Variants in AP1AR observed in about 807,000 individuals in gnomAD.
AP1AR encodes AP-1 complex-associated regulatory protein.
Under a neutral mutation model 46.3 loss-of-function variants are expected in AP1AR, and 29 were observed. That is an observed-to-expected ratio of 0.63 (90% confidence interval 0.47 to 0.85). AP1AR has a LOEUF of 0.85. Among genes scored for constraint, AP1AR ranks in the 40% least tolerant of loss-of-function variants. AP1AR has a pLI of 0.00. For missense variants in AP1AR, 357 were observed against 356.3 expected, an observed-to-expected ratio of 1.00 and a Z score of -0.02; for synonymous variants, 122 against 122.9, an observed-to-expected ratio of 0.99 and a Z score of 0.05.
chr4:112,240,772 T>C (rs1488386533), intron 1 of AP1AR, among the ~76,000 whole-genome samples: 1 of 152,202 alleles, frequency 6.6e-6, no homozygotes, highest in African/African-American at 2.4e-5. Flanking sequence ...TACCTGTGTG[T>C]CTACCCTGTT....
rs981796543 is a variant in AP1AR, at chr4:112,231,864, C to T, written c.-228C>T. The T allele has an allele frequency of 2.5e-6, 1 of 394,632 alleles. No homozygotes were observed. Among genetic ancestry groups the T allele is most frequent in the African/African-American group, 2.1e-5 (1 of 48,420 alleles). The allele number at this position is 394,632 out of a possible 1,614,324, so 24.4% of individuals were successfully genotyped here. The stretch of plus-strand genomic sequence containing the variant: ...AGTCCAGAGCCTTGAGCCCGGTGCT[C>T]CTCCCTCGCGCAGCGGTGGCTCTGC... On this transcript the variant is annotated 5_prime_UTR_variant, in exon 1 of 10. Coordinates refer to ENST00000274000, the MANE Select transcript of AP1AR (RefSeq NM_018569.6).
intron 2 of AP1AR, 179 bp downstream of exon 2, chr4:112,253,435 G>A (rs961315305): frequency 7.0e-6 from 4 of 568,050 alleles, no homozygotes; most frequent in Non-Finnish European, 1.2e-5. Flanking sequence ...TGAGTAGGAA[G>A]AAGTTTGCAG....
chr4:112,234,921 C>G (rs2110462575), intron 1 of AP1AR, among the ~76,000 whole-genome samples: 1 of 152,268 alleles, frequency 6.6e-6, no homozygotes, highest in Middle Eastern at 3.4e-3. Context: ...ATCTGAAAAT[C>G]AGATCACTCG....
At chr4:112,246,762 T>C (rs1725742353) in intron 1 of AP1AR, among the ~76,000 whole-genome samples, 1 of 152,202 alleles carries the variant, frequency 6.6e-6, no homozygotes, top group Non-Finnish European at 1.5e-5. Context: ...AAGTTAATTA[T>C]ACAATTCAAA....
chr4:112,263,412 G>C (rs749538441), intron 6 of AP1AR, among the ~76,000 whole-genome samples: 1 of 150,812 alleles, frequency 6.6e-6, no homozygotes, highest in East Asian at 1.9e-4. Context: ...GAGGGAAAGC[G>C]TTGCAAAACT....
chr4:112,254,837 C>A, intron 3 of AP1AR, 64 bp downstream of exon 3: 1 of 801,598 alleles, frequency 1.2e-6, no homozygotes, highest in South Asian at 2.8e-5. Flanking sequence ...CTCATTAGTT[C>A]TAACAATTAC....
At chr4:112,265,568 G>A (rs1438220940) in intron 7 of AP1AR, among the ~76,000 whole-genome samples, 166 bp from the exon 8 acceptor site, 1 of 151,748 alleles carries the variant, frequency 6.6e-6, no homozygotes, top group Non-Finnish European at 1.5e-5. Context: ...TTTCATTTTA[G>A]TATTAAGAAA....
At chr4:112,250,052 A>T (rs1212425815) in intron 1 of AP1AR, among the ~76,000 whole-genome samples, 1 of 152,232 alleles carries the variant, frequency 6.6e-6, no homozygotes, top group Non-Finnish European at 1.5e-5. Context: ...CTTGATAAAT[A>T]TTTATGAAAT....
rs141048838 is a variant in AP1AR at position 112,257,712 on chromosome 4, T to A, written c.160-60T>A. Reference sequence around the variant, plus strand: ...TAGATTAAATAAAAATTGTATTGGTTACTTTAAATAGAATTTAGCTAATGA... The same window carrying A: ...TAGATTAAATAAAAATTGTATTGGTAACTTTAAATAGAATTTAGCTAATGA... On this transcript the variant is annotated intron_variant, in intron 3 of 9. Transcript: ENST00000274000. The A allele has an allele frequency of 7.1e-4, 945 of 1,321,822 alleles. 2 individuals carry two copies. In the African/African-American group the frequency reaches 0.014, roughly 19 times the overall value. 81.9% of individuals were successfully genotyped at this position (1,321,822 alleles called of 1,614,324 possible).
intron 3 of AP1AR, among the ~76,000 whole-genome samples, chr4:112,256,416 T>C (rs371715683): frequency 6.6e-6 from 1 of 152,366 alleles, no homozygotes; most frequent in Admixed American, 6.5e-5. Flanking sequence ...GTAAGCCTTC[T>C]TTCAGCCTCC....
At chr4:112,259,959 A>T (rs560455485) in intron 4 of AP1AR, among the ~76,000 whole-genome samples, 1 of 136,586 alleles carries the variant, frequency 7.3e-6, no homozygotes, top group East Asian at 1.9e-4. Context: ...CTTTTAAGAT[A>T]AAAAAAAGTA....
At chr4:112,252,046 C>T (rs1349817559) in intron 1 of AP1AR, among the ~76,000 whole-genome samples, 1 of 152,070 alleles carries the variant, frequency 6.6e-6, no homozygotes, top group Non-Finnish European at 1.5e-5. Flanking sequence ...AATTTGCGAC[C>T]AGGCTGGGTA....
At chr4:112,232,832 A>G (rs1036689301) in intron 1 of AP1AR, among the ~76,000 whole-genome samples, 1 of 152,202 alleles carries the variant, frequency 6.6e-6, no homozygotes, top group Admixed American at 6.5e-5. Flanking sequence ...TTGCTACTCA[A>G]ACGTCCTGTA....
chr4:112,249,153 G>A lies in AP1AR; in HGVS notation c.84-4055G>A, dbSNP rs528483465. ...ACTAAAAATACAAAAAATTAGCGGG[G>A]CGTGGTGGTGCATGCCTGTAATCCC... is the stretch of plus-strand genomic sequence containing the variant. On this transcript the variant is annotated intron_variant, in intron 1 of 9. Coordinates refer to ENST00000274000, the MANE Select transcript of AP1AR (RefSeq NM_018569.6). 1.8e-4 allele frequency among the ~76,000 whole-genome samples: 27 copies of A among 152,208 alleles called. 5 individuals are homozygous for A. Among genetic ancestry groups the A allele is most frequent in the African/African-American group, 6.5e-4 (27 of 41,522 alleles).
intron 8 of AP1AR, 58 bp downstream of exon 8, chr4:112,265,865 GATT>G: frequency 9.0e-7 from 1 of 1,110,048 alleles, no homozygotes; most frequent in Non-Finnish European, 1.3e-6. Flanking sequence ...GATAAGTAGA[GATT>G]CTGGCTCTGT....
chr4:112,259,958 TA>T (rs149212341), intron 4 of AP1AR, among the ~76,000 whole-genome samples: 8,074 of 151,978 alleles, frequency 0.053, 321 homozygotes, highest in Non-Finnish European at 0.08. Context: ...CCTTTTAAGA[TA>T]AAAAAAAGTA....
intron 1 of AP1AR, among the ~76,000 whole-genome samples, chr4:112,236,158 A>G (rs1360925788): frequency 6.6e-6 from 1 of 151,606 alleles, no homozygotes; most frequent in Admixed American, 6.6e-5. Context: ...TCTATATATT[A>G]TTTTCAGTCT....
At position 112,232,051 on chromosome 4, in the gene AP1AR, C is replaced by A; in HGVS notation, c.-41C>A. 7.4e-7 allele frequency: 1 copy of A among 1,342,856 alleles called. No homozygotes were observed. Among genetic ancestry groups the A allele is most frequent in the Non-Finnish European group, 9.6e-7 (1 of 1,037,784 alleles). 83.2% of individuals were successfully genotyped at this position (1,342,856 alleles called of 1,614,324 possible). ...GCCGGGCCTGGGTTTGGGCATTGAGCGGGAGGAGGAGGAGGAGCGGCGGCG... is the reference window on the plus strand; with the variant it reads ...GCCGGGCCTGGGTTTGGGCATTGAGAGGGAGGAGGAGGAGGAGCGGCGGCG... On this transcript the variant is annotated 5_prime_UTR_variant, in exon 1 of 10. Transcript: ENST00000274000.
At chr4:112,249,150 G>T (rs866687625) in intron 1 of AP1AR, among the ~76,000 whole-genome samples, 37 of 151,844 alleles carry the variant, frequency 2.4e-4, no homozygotes, top group African/African-American at 8.4e-4. Context: ...AAAAATTAGC[G>T]GGGCGTGGTG....
Sources: gnomAD v4.1 joint callset for allele counts (sites outside exome capture counted in the v4.1 genomes callset) on GRCh38, gnomAD v4.1.1 for gene constraint, MANE v1.5 for transcripts, NCBI Gene and HGNC (gene_info 2026-07-23, HGNC 2026-07-21) for gene names.